Variants in CCDC91 observed in about 807,000 individuals in gnomAD.
The protein encoded by CCDC91 is coiled-coil domain-containing protein 91.
A neutral mutation model predicts 63.2 loss-of-function variants in CCDC91; 48 were observed. The ratio of observed to expected loss-of-function variants is 0.76; its 90% CI spans 0.60 to 0.97. CCDC91 has a LOEUF of 0.97. CCDC91 is among the 50% of genes least tolerant of loss of function. The pLI is 0.00. For synonymous variants in CCDC91, 167 were observed against 165.8 expected, an observed-to-expected ratio of 1.01 and a Z score of -0.06; for missense variants, 500 against 494.6, an observed-to-expected ratio of 1.01 and a Z score of -0.10.
intron 3 of CCDC91, among the ~76,000 whole-genome samples, chr12:28,264,931 T>C (rs1331669084): frequency 2.0e-5 from 3 of 151,996 alleles, no homozygotes; most frequent in Non-Finnish European, 4.4e-5. Flanking sequence ...TTTTCAGTGA[T>C]GCCATATAAA....
At chr12:28,240,190 G>A (rs539518817) in intron 1 of CCDC91, among the ~76,000 whole-genome samples, 53 of 152,202 alleles carry the variant, frequency 3.5e-4, no homozygotes, top group African/African-American at 1.2e-3. Flanking sequence ...TCCATTTTAC[G>A]CTTTCTAATA....
intron 6 of CCDC91, among the ~76,000 whole-genome samples, chr12:28,337,345 C>A (rs1237662397): frequency 6.6e-6 from 1 of 152,116 alleles, no homozygotes; most frequent in Non-Finnish European, 1.5e-5. Flanking sequence ...TCTAACATAA[C>A]AAACCTGCCC....
intron 6 of CCDC91, among the ~76,000 whole-genome samples, chr12:28,328,396 A>G (rs1259466481): frequency 3.9e-5 from 6 of 152,192 alleles, no homozygotes; most frequent in African/African-American, 1.4e-4. Flanking sequence ...ATTAGTGACT[A>G]TACACATATA....
chr12:28,511,486 T>C, intron 12 of CCDC91, among the ~76,000 whole-genome samples: 1 of 151,872 alleles, frequency 6.6e-6, no homozygotes, highest in East Asian at 1.9e-4. Flanking sequence ...GTAATTATCC[T>C]ATTTACTATT....
intron 1 of CCDC91, among the ~76,000 whole-genome samples, chr12:28,205,050 T>C (rs11049457): frequency 0.26 from 39,645 of 151,956 alleles, 5,442 homozygotes; most frequent in Non-Finnish European, 0.31. Flanking sequence ...AGTGCCTAGA[T>C]TGCCTGTTGG....
intron 8 of CCDC91, among the ~76,000 whole-genome samples, chr12:28,416,353 A>C (rs1458416373): frequency 6.6e-6 from 1 of 152,114 alleles, no homozygotes; most frequent in South Asian, 2.1e-4. Flanking sequence ...ATCAAAGGGT[A>C]TAGATATTGT....
At chr12:28,360,343 T>A (rs1943795691) in intron 6 of CCDC91, among the ~76,000 whole-genome samples, 1 of 152,206 alleles carries the variant, frequency 6.6e-6, no homozygotes, top group South Asian at 2.1e-4. Context: ...CATTCTCTTT[T>A]ATCCTAAATA....
In CCDC91 at chr12:28,371,876, T is replaced by G. The variant is rs1243514540; in HGVS notation, c.654+9361T>G. On this transcript the variant is annotated intron_variant, in intron 7 of 12. Transcript: ENST00000536442. Reference sequence around the variant, plus strand: ...ACTACCTTTACTGGCATGCTTTGTTTTTCACATAGATCAAATTACTATCTG... The same window carrying G: ...ACTACCTTTACTGGCATGCTTTGTTGTTCACATAGATCAAATTACTATCTG... Among the ~76,000 whole-genome samples, 3 of 152,218 alleles carry G rather than the reference T, an allele frequency of 2.0e-5. No homozygotes were observed. The South Asian group carries it at 6.2e-4, about 31-fold the overall frequency.
chr12:28,538,635 C>T (rs1307414958), intron 12 of CCDC91, among the ~76,000 whole-genome samples: 2 of 152,128 alleles, frequency 1.3e-5, no homozygotes, highest in Non-Finnish European at 2.9e-5. Context: ...AATGGGATGG[C>T]TGGGTCAAAT....
chr12:28,477,334 G>A (rs142677268), intron 11 of CCDC91, among the ~76,000 whole-genome samples: 54 of 152,154 alleles, frequency 3.5e-4, no homozygotes, highest in African/African-American at 1.2e-3. Context: ...ATCAATAAAC[G>A]TAATCCAGCA....
intron 7 of CCDC91, among the ~76,000 whole-genome samples, chr12:28,381,028 T>G (rs1227102951): frequency 1.3e-5 from 2 of 152,204 alleles, no homozygotes; most frequent in African/African-American, 4.8e-5. Flanking sequence ...TTACACTCAT[T>G]AAGGATATAT....
chr12:28,386,142 G>T (rs551148301), intron 7 of CCDC91, among the ~76,000 whole-genome samples: 1 of 152,088 alleles, frequency 6.6e-6, no homozygotes, highest in Non-Finnish European at 1.5e-5. Context: ...AACAATTTTG[G>T]TGACTTGTCT....
chr12:28,462,256 C>T (rs1178290907), intron 11 of CCDC91, among the ~76,000 whole-genome samples: 1 of 152,008 alleles, frequency 6.6e-6, no homozygotes, highest in Non-Finnish European at 1.5e-5. Context: ...GTGTTATTAT[C>T]CCATCTTATT....
chr12:28,536,807 A>C (rs1365232916), intron 12 of CCDC91, among the ~76,000 whole-genome samples: 25 of 152,142 alleles, frequency 1.6e-4, no homozygotes. Context: ...ATTCTTTTTT[A>C]AAGTATTTAT....
intron 12 of CCDC91, among the ~76,000 whole-genome samples, chr12:28,494,596 T>C (rs1210239386): frequency 1.3e-5 from 2 of 151,738 alleles, no homozygotes; most frequent in African/African-American, 2.4e-5. Flanking sequence ...TCTGGACACA[T>C]ATGTCATCAA....
intron 6 of CCDC91, among the ~76,000 whole-genome samples, chr12:28,344,113 AT>A (rs1189840197): frequency 3.3e-5 from 5 of 152,106 alleles, no homozygotes; most frequent in African/African-American, 1.2e-4. Context: ...GCAGTGTGAA[AT>A]TTTTGGAGCA....
intron 11 of CCDC91, among the ~76,000 whole-genome samples, chr12:28,477,925 C>T (rs1566036060): frequency 1.3e-5 from 2 of 152,098 alleles, no homozygotes; most frequent in African/African-American, 4.8e-5. Context: ...AGGACCTCTT[C>T]AAGGAGAACT....
chr12:28,261,881 T>G (rs540210692), intron 3 of CCDC91, among the ~76,000 whole-genome samples: 24 of 151,978 alleles, frequency 1.6e-4, no homozygotes, highest in Non-Finnish European at 3.5e-4. Context: ...CTCACTCCCT[T>G]TGAAAAATTA....
At chr12:28,193,368 C>A (rs1220806892) in intron 1 of CCDC91, among the ~76,000 whole-genome samples, 2 of 152,040 alleles carry the variant, frequency 1.3e-5, no homozygotes, top group African/African-American at 2.4e-5. Context: ...TTTGGGAGGC[C>A]GAGGTGGGCA....
Sources: gnomAD v4.1 joint callset for allele counts (sites outside exome capture counted in the v4.1 genomes callset) on GRCh38, gnomAD v4.1.1 for gene constraint, MANE v1.5 for transcripts, NCBI Gene and HGNC (gene_info 2026-07-23, HGNC 2026-07-21) for gene names.